The following APBB2 variants were observed in gnomAD, a reference collection of about 807,000 sequenced individuals.
APBB2 encodes amyloid beta precursor protein binding family B member 2, also known as Fe65-like 1.
APBB2 carries 38 observed loss-of-function variants against 82.5 expected under a neutral mutation model. The observed-to-expected ratio is 0.46, with a 90% confidence interval of 0.36 to 0.60. The LOEUF (loss-of-function observed/expected upper bound fraction) is 0.60. APBB2 is among the 20% of genes least tolerant of loss of function. APBB2 has a pLI of 0.00. For synonymous variants in APBB2, 341 were observed against 368.2 expected, an observed-to-expected ratio of 0.93 and a Z score of 0.85; for missense variants, 772 against 972.3, an observed-to-expected ratio of 0.79 and a Z score of 2.74.
At chr4:41,027,856 C>A (rs1323098717) in intron 5 of APBB2, among the ~76,000 whole-genome samples, 1 of 152,234 alleles carries the variant, frequency 6.6e-6, no homozygotes, top group African/African-American at 2.4e-5. Flanking sequence ...GTGGATGGGT[C>A]CCCCAGTGAT....
At chr4:41,160,028 A>AGAAGAAGAAGAAGAAGAAGAAGAAGAG (rs1560914552) in intron 1 of APBB2, among the ~76,000 whole-genome samples, 2 of 147,640 alleles carry the variant, frequency 1.4e-5, no homozygotes, top group African/African-American at 5.3e-5. Flanking sequence ...AAGAAGAAGA[A>AGAAGAAGAAGAAGAAGAAGAAGAAGAG]GAAGAAGAAA....
At chr4:40,853,109 TCTACAGTCAA>T (rs372984107) in intron 12 of APBB2, among the ~76,000 whole-genome samples, 42 of 152,268 alleles carry the variant, frequency 2.8e-4, no homozygotes, top group Middle Eastern at 3.4e-3. Context: ...TCCTGCATCT[TCTACAGTCAA>T]CTTGGCGAGT....
In APBB2 at chr4:40,855,231, G is replaced by T. The variant is rs577121729; in HGVS notation, c.1530-24654C>A. ...GCTCCAGTGCAGAGAACCTGCAATG[G>T]GCCCCACGCCAGCATAGTGTGAGCT... On this transcript the variant is annotated intron_variant, in intron 12 of 17. Coordinates refer to ENST00000508593, the MANE Select transcript of APBB2 (RefSeq NM_004307.2). Among the ~76,000 whole-genome samples the T allele has an allele frequency of 3.3e-5, 5 of 152,232 alleles. No homozygotes were observed. The East Asian group carries it at 9.6e-4, about 29-fold the overall frequency.
chr4:41,063,915 G>A (rs1730708646), intron 4 of APBB2, among the ~76,000 whole-genome samples: 1 of 146,954 alleles, frequency 6.8e-6, no homozygotes, highest in African/African-American at 2.5e-5. Context: ...CTGGGCTCAA[G>A]TGATCTGCCT....
chr4:41,006,088 G>A (rs1806636585), intron 6 of APBB2, among the ~76,000 whole-genome samples: 1 of 152,166 alleles, frequency 6.6e-6, no homozygotes, highest in Non-Finnish European at 1.5e-5. Context: ...TATGATGGAA[G>A]GCAACCCAAA....
intron 5 of APBB2, among the ~76,000 whole-genome samples, chr4:41,029,725 A>G (rs550534075): frequency 1.3e-5 from 2 of 152,328 alleles, no homozygotes; most frequent in Admixed American, 6.5e-5. Flanking sequence ...TAAGTAAGAA[A>G]TGTTATTTTC....
At chr4:40,961,674 A>AAAAAAAAAAAAAAAAAAAAAAAATGT in intron 6 of APBB2, among the ~76,000 whole-genome samples, 1 of 68,384 alleles carries the variant, frequency 1.5e-5, no homozygotes, top group Non-Finnish European at 3.1e-5. Flanking sequence ...ATGTAAAAAA[A>AAAAAAAAAAAAAAAAAAAAAAAATGT]AAAAAAAAAA....
chr4:40,835,753 A>G (rs1175814853), intron 12 of APBB2, among the ~76,000 whole-genome samples: 1 of 152,152 alleles, frequency 6.6e-6, no homozygotes, highest in Admixed American at 6.5e-5. Flanking sequence ...AGGGAAGGGG[A>G]CTGCTGGGGG....
chr4:40,903,876 G>A (rs1775991432), intron 10 of APBB2, among the ~76,000 whole-genome samples: 1 of 152,182 alleles, frequency 6.6e-6, no homozygotes, highest in Admixed American at 6.5e-5. Flanking sequence ...AAAAAGCCAT[G>A]TATTCCTGCT....
intron 7 of APBB2, among the ~76,000 whole-genome samples, chr4:40,944,396 A>G (rs549262533): frequency 3.3e-5 from 5 of 152,228 alleles, no homozygotes; most frequent in African/African-American, 9.6e-5. Context: ...ATAGAAATTA[A>G]GCATCTGAGG....
intron 6 of APBB2, among the ~76,000 whole-genome samples, chr4:40,972,925 G>A (rs6839964): frequency 0.39 from 58,698 of 152,000 alleles, 12,361 homozygotes; most frequent in East Asian, 0.71. Context: ...CCACAGCCTT[G>A]AATCTTAGAC....
Position 40,904,085 on chromosome 4 carries a change from T to G in APBB2, c.1255-10674A>C, listed in dbSNP as rs371999205. ...TGTAGCCAGTAGACAGCAACGGGTC[T>G]GATTTCTGCCCGCAGCCCAGGGTCT... On this transcript the variant is annotated intron_variant, in intron 10 of 17. Coordinates refer to ENST00000508593, the MANE Select transcript of APBB2 (RefSeq NM_004307.2). 1.8e-4 allele frequency among the ~76,000 whole-genome samples: 27 copies of G among 151,664 alleles called. 1 individual carries two copies. In the South Asian group the frequency reaches 4.2e-3, roughly 23 times the overall value.
chr4:41,153,270 G>T (rs903332962), intron 1 of APBB2, among the ~76,000 whole-genome samples: 7 of 152,122 alleles, frequency 4.6e-5, no homozygotes, highest in Non-Finnish European at 1.0e-4. Context: ...TGTGGTCTCA[G>T]AAATACATTA....
intron 3 of APBB2, among the ~76,000 whole-genome samples, chr4:41,093,103 T>C (rs958774511): frequency 1.9e-4 from 29 of 152,342 alleles, no homozygotes; most frequent in Non-Finnish European, 7.4e-5. Context: ...CACAGCTCAG[T>C]TGTGCTGCTC....
Position 41,157,511 on chromosome 4 carries a change from A to G in APBB2, c.-416-14369T>C, listed in dbSNP as rs534696171. On this transcript the variant is annotated intron_variant, in intron 1 of 17. Transcript: ENST00000508593. ...TACCGATAGGTGGGAGAGTGGAATGAGCAAATATGAGAGATGGAATTGTAA... is the reference window on the plus strand; with the variant it reads ...TACCGATAGGTGGGAGAGTGGAATGGGCAAATATGAGAGATGGAATTGTAA... 7.9e-5 allele frequency among the ~76,000 whole-genome samples: 12 copies of G among 152,354 alleles called. No individual in the cohort carries two copies. The South Asian group carries it at 2.3e-3, about 29-fold the overall frequency.
At chr4:41,106,787 C>T (rs1406110599) in intron 2 of APBB2, among the ~76,000 whole-genome samples, 6 of 151,996 alleles carry the variant, frequency 3.9e-5, no homozygotes, top group African/African-American at 4.8e-5. Context: ...AGATTAGGTA[C>T]ATTTTTAAAG....
chr4:40,941,042 T>C (rs559426772), intron 7 of APBB2, among the ~76,000 whole-genome samples: 2 of 152,210 alleles, frequency 1.3e-5, no homozygotes, highest in Non-Finnish European at 2.9e-5. Context: ...CAAGTGAACT[T>C]TGGAATGTGA....
intron 15 of APBB2, 48 bp from the exon 16 acceptor site, chr4:40,823,807 C>T (rs370069332): frequency 5.5e-6 from 7 of 1,283,602 alleles, no homozygotes; most frequent in Admixed American, 3.4e-5. Flanking sequence ...CCACTTACCA[C>T]ACTCAAATGT....
intron 6 of APBB2, among the ~76,000 whole-genome samples, chr4:40,989,379 C>T (rs1476249441): frequency 6.6e-6 from 1 of 152,098 alleles, no homozygotes; most frequent in African/African-American, 2.4e-5. Context: ...GGGAGCAAAA[C>T]CAAAATCTCT....
Sources: gnomAD v4.1 joint callset for allele counts (sites outside exome capture counted in the v4.1 genomes callset) on GRCh38, gnomAD v4.1.1 for gene constraint, MANE v1.5 for transcripts, NCBI Gene and HGNC (gene_info 2026-07-23, HGNC 2026-07-21) for gene names.